The following PIEZO2 variants were observed in gnomAD, a reference collection of about 807,000 sequenced individuals.
PIEZO2 encodes the protein piezo-type mechanosensitive ion channel component 2.
A neutral mutation model predicts 337.3 loss-of-function variants in PIEZO2; 172 were observed. That is an observed-to-expected ratio of 0.51 (90% confidence interval 0.45 to 0.58). The LOEUF (loss-of-function observed/expected upper bound fraction) is 0.58, where lower values mean the gene tolerates loss of function less well. Ranked by LOEUF, PIEZO2 falls within the 20% of genes least tolerant of loss-of-function variation. PIEZO2 has a pLI of 0.00. For missense variants in PIEZO2, 3,028 were observed against 3,391.3 expected (o/e 0.89, Z 2.66); for synonymous variants, 1,251 against 1,228.5 (o/e 1.02, Z -0.38).
At chr18:11,037,819 TGTCAAAGTAACA>T (rs1370233621) in intron 2 of PIEZO2, among the ~76,000 whole-genome samples, 1 of 152,234 alleles carries the variant, frequency 6.6e-6, no homozygotes, top group African/African-American at 2.4e-5. Context: ...TATGATTCTA[TGTCAAAGTAACA>T]GGGGCTATAA....
intron 1 of PIEZO2, among the ~76,000 whole-genome samples, chr18:11,082,020 A>G (rs2038760112): frequency 6.6e-6 from 1 of 152,052 alleles, no homozygotes; most frequent in South Asian, 2.1e-4. Context: ...TCAGCCTCCC[A>G]AAGTGCTGGG....
chr18:10,727,005 G>A lies in PIEZO2; in HGVS notation c.5029+4402C>T. The A allele has an allele frequency of 2.1e-6, 2 of 959,198 alleles. No homozygotes were observed. The highest frequency in any genetic ancestry group is 2.7e-5 in the East Asian group (1 of 37,184). 59.4% of individuals were successfully genotyped at this position (959,198 alleles called of 1,614,324 possible). A position where few individuals can be genotyped will look rare whatever the true frequency, so the allele number is the denominator to read the frequency against. On this transcript the variant is annotated intron_variant, in intron 36 of 55. Transcript: ENST00000674853. The surrounding 1 kb of genome is among the most constrained non-coding windows in gnomAD (Gnocchi z 6.3). Reference sequence around the variant, plus strand: ...TCCAGATAGGCCCCCAGAACATGAAGCTGTTTGCTCTGTGCTTCCACGGTC... The same window carrying A: ...TCCAGATAGGCCCCCAGAACATGAAACTGTTTGCTCTGTGCTTCCACGGTC...
chr18:10,841,814 C>T (rs756671670), intron 7 of PIEZO2, among the ~76,000 whole-genome samples: 4 of 152,076 alleles, frequency 2.6e-5, no homozygotes, highest in African/African-American at 9.7e-5. Context: ...TGGGTTGTAA[C>T]TCCACTTATT....
rs1448983282 is a variant in PIEZO2 at position 11,143,627 on chromosome 18, A to ACTCTCTCTCTCT, written c.64+4897_64+4898insAGAGAGAGAGAG. ...CACACACACACACACACACACACAC[A>ACTCTCTCTCTCT]CACACACACACACTCTCTCTCTCTC... On this transcript the variant is annotated intron_variant, in intron 1 of 55. Transcript: ENST00000674853. This position sits in a 1 kb window ranked among gnomAD's most constrained non-coding sequence, Gnocchi z 4.9. Among the ~76,000 whole-genome samples the ACTCTCTCTCTCT allele has an allele frequency of 8.3e-5, 9 of 107,926 alleles. No individual in the cohort carries two copies. The highest frequency in any genetic ancestry group is 1.2e-4 in the African/African-American group (2 of 16,668). 70.8% of individuals were successfully genotyped at this position (107,926 alleles called of 152,430 possible). A position where few individuals can be genotyped will look rare whatever the true frequency, so the allele number is the denominator to read the frequency against.
At chr18:11,063,990 G>C (rs1408940597) in intron 2 of PIEZO2, among the ~76,000 whole-genome samples, 1 of 151,784 alleles carries the variant, frequency 6.6e-6, no homozygotes, top group African/African-American at 2.4e-5. Context: ...GAATTGTCTT[G>C]GGCCACACAT....
chr18:11,033,133 G>A lies in PIEZO2; in HGVS notation c.160+32994C>T, dbSNP rs1568313834. ...AGCACCTTTTGAGCATTTACCGTGA[G>A]CCCAACACATTACGTCATTGAGTCC... On this transcript the variant is annotated intron_variant, in intron 2 of 55. Coordinates refer to ENST00000674853, the MANE Select transcript of PIEZO2 (RefSeq NM_001378183.1). The surrounding 1 kb of genome is among the most constrained non-coding windows in gnomAD (Gnocchi z 4.2). Among the ~76,000 whole-genome samples the A allele has an allele frequency of 6.6e-6, 1 of 152,226 alleles. No homozygotes were observed.
At chr18:10,941,472 T>C (rs545775623) in intron 3 of PIEZO2, among the ~76,000 whole-genome samples, 95 of 152,314 alleles carry the variant, frequency 6.2e-4, no homozygotes, top group African/African-American at 2.2e-3. Flanking sequence ...AATTCACACA[T>C]CCTAAATGAT....
chr18:10,742,343 C>A (rs368226303), intron 32 of PIEZO2, 151 bp downstream of exon 32: 1 of 792,350 alleles, frequency 1.3e-6, no homozygotes. Context: ...TGAATATATC[C>A]ATTCACAATG....
chr18:11,144,669 A>G (rs953160840), intron 1 of PIEZO2, among the ~76,000 whole-genome samples: 1 of 152,316 alleles, frequency 6.6e-6, no homozygotes, highest in Middle Eastern at 3.4e-3. Context: ...TTCTTTCTGG[A>G]TTGGAATATT....
chr18:10,830,998 TGGCTTTTATCCAAACAAA>T lies in PIEZO2; in HGVS notation c.918-23742_918-23725del, dbSNP rs1315144133. ...ACAAATTATCTCACCCCAGCTGAAGTGGCTTTTATCCAAACAAAGGCAATAAAAAGTGCTAGCAAGGAT... is the reference window on the plus strand; with the variant it reads ...ACAAATTATCTCACCCCAGCTGAAGTGGCAATAAAAAGTGCTAGCAAGGAT... On this transcript the variant is annotated intron_variant, in intron 7 of 55. Transcript: ENST00000674853. The surrounding 1 kb of genome is among the most constrained non-coding windows in gnomAD (Gnocchi z 4.7). Among the ~76,000 whole-genome samples, 4 of 152,150 alleles carry T rather than the reference TGGCTTTTATCCAAACAAA, an allele frequency of 2.6e-5. No individual in the cohort carries two copies. In the East Asian group the frequency reaches 7.7e-4, roughly 29 times the overall value.
rs1324574795 is a variant in PIEZO2 at position 10,872,652 on chromosome 18, G to A, written c.330-1237C>T. ...TGCCTTTGCAACACTGAGCAACTGG[G>A]CTTGCAGTGCTCTAGTGATGTGTAG... On this transcript the variant is annotated intron_variant, in intron 4 of 55. Coordinates refer to ENST00000674853, the MANE Select transcript of PIEZO2 (RefSeq NM_001378183.1). The surrounding 1 kb of genome is among the most constrained non-coding windows in gnomAD (Gnocchi z 4.3). Among the ~76,000 whole-genome samples the A allele has an allele frequency of 6.6e-6, 1 of 152,168 alleles. No homozygotes were observed. The highest frequency in any genetic ancestry group is 2.4e-5 in the African/African-American group (1 of 41,442).
In PIEZO2 at chr18:11,067,210, G is replaced by A. The variant is rs538044433; in HGVS notation, c.65-988C>T. On this transcript the variant is annotated intron_variant, in intron 1 of 55. Transcript: ENST00000674853. Reference sequence around the variant, plus strand: ...CTTAATACAATGTATACTATTAGGTGATGGTTACACTAAAAGCCCAGACTT... The same window carrying A: ...CTTAATACAATGTATACTATTAGGTAATGGTTACACTAAAAGCCCAGACTT... Among the ~76,000 whole-genome samples, 87 of 152,218 alleles carry A rather than the reference G, an allele frequency of 5.7e-4. No individual in the cohort carries two copies. In the South Asian group the frequency reaches 8.7e-3, roughly 15 times the overall value.
intron 9 of PIEZO2, among the ~76,000 whole-genome samples, chr18:10,802,918 G>A (rs2039874691): frequency 6.7e-6 from 1 of 148,922 alleles, no homozygotes; most frequent in Non-Finnish European, 1.5e-5. Flanking sequence ...GTTGCAGTGA[G>A]CCAAGATCAC....
intron 1 of PIEZO2, among the ~76,000 whole-genome samples, chr18:11,095,488 A>G (rs1053383362): frequency 2.6e-5 from 4 of 152,226 alleles, no homozygotes; most frequent in Admixed American, 1.3e-4. Context: ...ACAGGTCAAC[A>G]TTGGCTCTGC....
At chr18:10,763,221 G>A (rs1454885289) in intron 21 of PIEZO2, 123 bp from the exon 22 acceptor site, 15 of 1,008,672 alleles carry the variant, frequency 1.5e-5, no homozygotes, top group African/African-American at 1.1e-4. Flanking sequence ...TTCCTAGCAT[G>A]CGCAAGGAAT....
At chr18:10,737,292 A>AAAAAC (rs1481958628) in intron 33 of PIEZO2, among the ~76,000 whole-genome samples, 2 of 149,016 alleles carry the variant, frequency 1.3e-5, no homozygotes, top group African/African-American at 2.6e-5. Flanking sequence ...TTTGAAAAAA[A>AAAAAC]AAAAACAAAA....
chr18:10,958,550 C>T (rs1043144039), intron 3 of PIEZO2, among the ~76,000 whole-genome samples: 1 of 151,922 alleles, frequency 6.6e-6, no homozygotes, highest in Non-Finnish European at 1.5e-5. Context: ...ACATTTTTAC[C>T]ACAAAAATAA....
At chr18:11,140,554 T>C (rs1052508669) in intron 1 of PIEZO2, among the ~76,000 whole-genome samples, 1 of 152,214 alleles carries the variant, frequency 6.6e-6, no homozygotes, top group Admixed American at 6.5e-5. Flanking sequence ...TCATACTTTG[T>C]GCCTCATCTT....
chr18:10,949,867 C>T (rs7243607), intron 3 of PIEZO2, among the ~76,000 whole-genome samples: 21,183 of 152,168 alleles, frequency 0.14, 2,483 homozygotes, highest in African/African-American at 0.31. Flanking sequence ...TCACTGATAA[C>T]AAGACCGATA....
Sources: allele counts gnomAD v4.1 joint callset (sites outside exome capture counted in the v4.1 genomes callset), GRCh38; gene constraint gnomAD v4.1.1; non-coding constraint Gnocchi (gnomAD v3.1); transcripts MANE v1.5; gene names NCBI Gene and HGNC (gene_info 2026-07-23, HGNC 2026-07-21).